Variants in C8orf34 observed in about 807,000 individuals in gnomAD.
The protein encoded by C8orf34 is chromosome 8 open reading frame 34.
A neutral mutation model predicts 68.3 loss-of-function variants in C8orf34; 65 were observed. The ratio of observed to expected loss-of-function variants is 0.95; its 90% CI spans 0.78 to 1.17. C8orf34 has a LOEUF of 1.17. Among genes scored for constraint, C8orf34 ranks in the 50% most tolerant of loss-of-function variants. The pLI is 0.00. For missense variants in C8orf34, 664 were observed against 655.4 expected, an observed-to-expected ratio of 1.01 and a Z score of -0.14; for synonymous variants, 244 against 241.2, an observed-to-expected ratio of 1.01 and a Z score of -0.11.
chr8:68,700,572 G>A (rs1195218452), intron 8 of C8orf34, among the ~76,000 whole-genome samples: 1 of 152,060 alleles, frequency 6.6e-6, no homozygotes, highest in Non-Finnish European at 1.5e-5. Context: ...TTATTCTGGG[G>A]ACCACAAGTG....
intron 12 of C8orf34, among the ~76,000 whole-genome samples, chr8:68,801,171 G>A (rs1416893607): frequency 6.6e-6 from 1 of 152,208 alleles, no homozygotes; most frequent in African/African-American, 2.4e-5. Flanking sequence ...GTATTGTAAT[G>A]TTTAAGAAGA....
At chr8:68,579,955 A>G (rs986041338) in intron 7 of C8orf34, among the ~76,000 whole-genome samples, 21 of 152,122 alleles carry the variant, frequency 1.4e-4, no homozygotes, top group Admixed American at 5.2e-4. Context: ...ATTATACCTT[A>G]TCTAAGCCAT....
At chr8:68,497,892 G>C (rs1296295439) in intron 5 of C8orf34, among the ~76,000 whole-genome samples, 1 of 152,074 alleles carries the variant, frequency 6.6e-6, no homozygotes, top group Non-Finnish European at 1.5e-5. Flanking sequence ...GGAATGGTGC[G>C]ATGTTGGATC....
chr8:68,407,345 G>T (rs905649898), intron 1 of C8orf34, among the ~76,000 whole-genome samples: 1 of 151,868 alleles, frequency 6.6e-6, no homozygotes, highest in African/African-American at 2.4e-5. Context: ...TTACAATGGG[G>T]CATATTCGTA....
chr8:68,565,389 G>A (rs1388364973), intron 7 of C8orf34, among the ~76,000 whole-genome samples: 4 of 152,158 alleles, frequency 2.6e-5, no homozygotes, highest in African/African-American at 4.8e-5. Flanking sequence ...ATGGTTACAG[G>A]TTAGGGTAAA....
intron 7 of C8orf34, among the ~76,000 whole-genome samples, chr8:68,555,713 A>G (rs1816230931): frequency 6.6e-6 from 1 of 152,166 alleles, no homozygotes; most frequent in African/African-American, 2.4e-5. Flanking sequence ...GCAATATTGT[A>G]CTATGCATAC....
chr8:68,802,241 C>T (rs1350047440), intron 12 of C8orf34, among the ~76,000 whole-genome samples: 1 of 151,968 alleles, frequency 6.6e-6, no homozygotes, highest in Non-Finnish European at 1.5e-5. Context: ...GCTGGGATTA[C>T]AGGCATGCAC....
chr8:68,458,209 A>G (rs911872002), intron 3 of C8orf34, among the ~76,000 whole-genome samples: 2 of 152,196 alleles, frequency 1.3e-5, no homozygotes, highest in Non-Finnish European at 2.9e-5. Context: ...GTTCTTGGGT[A>G]TGGTATTAAT....
chr8:68,689,254 T>C (rs562769796), intron 8 of C8orf34, among the ~76,000 whole-genome samples: 2 of 151,836 alleles, frequency 1.3e-5, no homozygotes, highest in South Asian at 4.2e-4. Flanking sequence ...AGGGGGAGTG[T>C]TGGGGAACAA....
intron 1 of C8orf34, among the ~76,000 whole-genome samples, chr8:68,371,988 G>A (rs904538248): frequency 1.3e-4 from 20 of 152,176 alleles, no homozygotes; most frequent in Admixed American, 2.6e-4. Flanking sequence ...GCTTCTGTAA[G>A]AACTTCATCA....
chr8:68,461,604 T>C (rs1004312997), intron 3 of C8orf34, among the ~76,000 whole-genome samples: 5 of 152,156 alleles, frequency 3.3e-5, no homozygotes, highest in Non-Finnish European at 7.3e-5. Context: ...CGGCAGAAAC[T>C]CTACAAGCCA....
chr8:68,448,140 A>G (rs1424043719), intron 3 of C8orf34: 1 of 152,152 alleles, frequency 6.6e-6, no homozygotes, highest in African/African-American at 2.4e-5. Flanking sequence ...GAATTTGACC[A>G]CTTCATCATT....
intron 1 of C8orf34, among the ~76,000 whole-genome samples, chr8:68,375,784 T>C (rs1807766675): frequency 6.6e-6 from 1 of 152,228 alleles, no homozygotes; most frequent in African/African-American, 2.4e-5. Context: ...AGTACTTATA[T>C]GCCTAGAACT....
At chr8:68,634,904 T>C (rs966475850) in intron 7 of C8orf34, among the ~76,000 whole-genome samples, 1 of 152,180 alleles carries the variant, frequency 6.6e-6, no homozygotes, top group Admixed American at 6.6e-5. Context: ...ACAAGAACCA[T>C]AGCAGTTGTT....
intron 1 of C8orf34, among the ~76,000 whole-genome samples, chr8:68,404,835 T>G (rs574439272): frequency 1.3e-5 from 2 of 152,298 alleles, no homozygotes; most frequent in East Asian, 3.9e-4. Flanking sequence ...TCTTTTTGCT[T>G]AGGATTGTCT....
intron 1 of C8orf34, among the ~76,000 whole-genome samples, chr8:68,370,775 T>A (rs1351533918): frequency 1.3e-5 from 2 of 152,190 alleles, no homozygotes; most frequent in Admixed American, 6.5e-5. Context: ...AATCTCTAAC[T>A]TCTCCCATAT....
At chr8:68,747,541 A>G (rs931952969) in intron 10 of C8orf34, among the ~76,000 whole-genome samples, 1 of 150,218 alleles carries the variant, frequency 6.7e-6, no homozygotes, top group Non-Finnish European at 1.5e-5. Flanking sequence ...GCAAAGTCTC[A>G]GGATACAAAA....
chr8:68,757,783 G>A (rs1822908482), intron 10 of C8orf34, among the ~76,000 whole-genome samples: 1 of 152,166 alleles, frequency 6.6e-6, no homozygotes, highest in South Asian at 2.1e-4. Flanking sequence ...ATAGAATGTG[G>A]ACTGTGGAGT....
chr8:68,736,476 G>A (rs1466511132), intron 10 of C8orf34, among the ~76,000 whole-genome samples: 8 of 152,000 alleles, frequency 5.3e-5, no homozygotes, highest in Admixed American at 5.2e-4. Flanking sequence ...TGGCAGTGTA[G>A]CTTGCAAAAT....
Sources: allele counts gnomAD v4.1 joint callset (sites outside exome capture counted in the v4.1 genomes callset), GRCh38; gene constraint gnomAD v4.1.1; transcripts MANE v1.5; gene names NCBI Gene and HGNC (gene_info 2026-07-23, HGNC 2026-07-21).